ZC4H2: variants seen among roughly 807,000 people sequenced by gnomAD.
The protein encoded by ZC4H2 is zinc finger C4H2-type containing.
For synonymous variants in ZC4H2, 84 were observed against 66.3 expected (o/e 1.27, Z -1.30); for missense variants, 137 against 173.9 (o/e 0.79, Z 1.19).
At chrX:64,975,386 G>A (rs1490306618) in intron 1 of ZC4H2, among the ~76,000 whole-genome samples, 1 of 111,490 alleles carries the variant, frequency 9.0e-6, no homozygotes, top group Non-Finnish European at 1.9e-5. Context: ...TAAATCTCAT[G>A]ATCAAAGTCT....
Position 64,924,752 on chromosome X carries a change from A to C in ZC4H2, c.54-2764T>G, listed in dbSNP as rs755758067. Among the ~76,000 whole-genome samples the C allele has an allele frequency of 4.1e-4, 46 of 111,077 alleles. 1 individual carries two copies. In the Middle Eastern group the frequency reaches 0.019, roughly 45 times the overall value. On this transcript the variant is annotated intron_variant, in intron 1 of 4. Transcript: ENST00000374839. ...TGAGTAATGGCCCCACAGAAGAAGAATATGGCACATTAAAGGAACTGAGTG... is the reference window on the plus strand; with the variant it reads ...TGAGTAATGGCCCCACAGAAGAAGACTATGGCACATTAAAGGAACTGAGTG...
In ZC4H2 at chrX:64,988,026, T is replaced by C. The variant is rs891871877; in HGVS notation, c.-272+46603A>G. Among the ~76,000 whole-genome samples, 30 of 108,005 alleles carry C rather than the reference T, an allele frequency of 2.8e-4. 1 individual carries two copies. The highest frequency in any genetic ancestry group is 9.5e-4 in the African/African-American group (28 of 29,528). 93.8% of individuals were successfully genotyped at this position (108,005 alleles called of 115,157 possible). Reference sequence around the variant, plus strand: ...TGCGGTAGTTTGCTCAGAATGATGGTCTCCAGCTTCATCCATGTCCCTACA... The same window carrying C: ...TGCGGTAGTTTGCTCAGAATGATGGCCTCCAGCTTCATCCATGTCCCTACA... On this transcript the variant is annotated intron_variant, in intron 1 of 4. Transcript: ENST00000337990.
intron 1 of ZC4H2, among the ~76,000 whole-genome samples, chrX:64,955,086 C>T (rs1247452589): frequency 9.0e-6 from 1 of 111,330 alleles, no homozygotes; most frequent in Non-Finnish European, 1.9e-5. Context: ...ATGGAAAAGA[C>T]AAAATGATCC....
intron 1 of ZC4H2, among the ~76,000 whole-genome samples, chrX:64,922,642 C>T (rs1929255050): frequency 8.9e-6 from 1 of 112,161 alleles, no homozygotes; most frequent in African/African-American, 3.2e-5. Context: ...GTCCTGAACA[C>T]AAAGAACTCC....
intron 1 of ZC4H2, among the ~76,000 whole-genome samples, chrX:64,943,339 A>G (rs1376768241): frequency 2.7e-5 from 3 of 112,013 alleles, no homozygotes; most frequent in Non-Finnish European, 5.6e-5. Context: ...GTAGATGTCT[A>G]TTAGGTCCGC....
At chrX:64,934,947 T>C (rs1445796949) in intron 1 of ZC4H2, among the ~76,000 whole-genome samples, 9 of 108,620 alleles carry the variant, frequency 8.3e-5, no homozygotes, top group East Asian at 2.9e-4. Context: ...TTTTTTTTTT[T>C]CCCCCATACC....
rs1928986792 is a variant in ZC4H2, at chrX:64,917,504, C to G, written c.*279G>C. 3 of 279,535 alleles carry G rather than the reference C, an allele frequency of 1.1e-5. No individual in the cohort carries two copies. Among genetic ancestry groups the G allele is most frequent in the Non-Finnish European group, 1.9e-5 (3 of 159,204 alleles). The allele number at this position is 279,535 out of a possible 1,213,427, so 23.0% of individuals were successfully genotyped here. A position where few individuals can be genotyped will look rare whatever the true frequency, so the allele number is the denominator to read the frequency against. On this transcript the variant is annotated 3_prime_UTR_variant, in exon 5 of 5. Transcript: ENST00000374839. ...TAGAGAATCATATCTGAGCCTTTTG[C>G]CCTTCCCTTAGCTCCAAACAAGGGC...
upstream of ZC4H2, among the ~76,000 whole-genome samples, chrX:64,977,704 T>G (rs1381148361): frequency 9.0e-6 from 1 of 110,729 alleles, no homozygotes; most frequent in African/African-American, 3.3e-5. Context: ...TTTCATCATG[T>G]TGGCCAGACT....
Position 64,988,215 on chromosome X carries a change from A to G in ZC4H2, c.-272+46414T>C, listed in dbSNP as rs757517623. 1.2e-4 allele frequency among the ~76,000 whole-genome samples: 13 copies of G among 110,961 alleles called. No homozygotes were observed. The South Asian group carries it at 5.1e-3, about 43-fold the overall frequency. The stretch of plus-strand genomic sequence containing the variant: ...AACATACGTGTGCATGTGTCTTTAT[A>G]GCAGCATGATTTATAATCCTTTGGG... On this transcript the variant is annotated intron_variant, in intron 1 of 4. Coordinates refer to the ZC4H2 transcript ENST00000337990.
At chrX:64,980,484 C>T (rs745306037), upstream of ZC4H2, among the ~76,000 whole-genome samples, 12 of 111,745 alleles carry the variant, frequency 1.1e-4, no homozygotes, top group Non-Finnish European at 9.4e-5. Context: ...GGGAGGGAAA[C>T]AGCAGGAGGT....
chrX:65,030,465 A>T (rs1467517643), intron 1 of ZC4H2, among the ~76,000 whole-genome samples: 1 of 111,786 alleles, frequency 8.9e-6, no homozygotes, highest in African/African-American at 3.3e-5. Context: ...TTTCTCAGAA[A>T]CTTTACTCAA....
rs1356845911 is a variant in ZC4H2, at chrX:64,988,928, G to GTTTT, written c.-272+45700_-272+45701insAAAA. Among the ~76,000 whole-genome samples, 7 of 88,618 alleles carry GTTTT rather than the reference G, an allele frequency of 7.9e-5. No homozygotes were observed. The African/African-American group carries it at 8.4e-4, about 11-fold the overall frequency. The allele number at this position is 88,618 out of a possible 115,157, so 77.0% of individuals were successfully genotyped here. A position where few individuals can be genotyped will look rare whatever the true frequency, so the allele number is the denominator to read the frequency against. ...GGTGTAAGGAAGGGATCCAGTTTCAGCTTTATATGGCTAGCCAGTTTTCCC... is the reference window on the plus strand; with the variant it reads ...GGTGTAAGGAAGGGATCCAGTTTCAGTTTTCTTTATATGGCTAGCCAGTTTTCCC... On this transcript the variant is annotated intron_variant, in intron 1 of 4. Transcript: ENST00000337990.
chrX:64,980,265 T>C (rs2147425410), upstream of ZC4H2, among the ~76,000 whole-genome samples: 1 of 112,091 alleles, frequency 8.9e-6, no homozygotes, highest in South Asian at 3.7e-4. Flanking sequence ...GCCCTGCCCT[T>C]ACCAAGCTTA....
chrX:64,985,186 T>C (rs941862761), intron 1 of ZC4H2, among the ~76,000 whole-genome samples: 1 of 112,135 alleles, frequency 8.9e-6, no homozygotes, highest in East Asian at 2.8e-4. Context: ...TTTGTTATAA[T>C]GACTTCTTTT....
chrX:65,017,465 T>C (rs766759660), intron 1 of ZC4H2, among the ~76,000 whole-genome samples: 1 of 112,552 alleles, frequency 8.9e-6, no homozygotes, highest in South Asian at 3.7e-4. Flanking sequence ...ATGAAACCAC[T>C]CTAAGTATTA....
intron 1 of ZC4H2, among the ~76,000 whole-genome samples, chrX:64,987,740 T>A (rs1932218968): frequency 9.1e-6 from 1 of 109,758 alleles, no homozygotes; most frequent in Non-Finnish European, 1.9e-5. Context: ...TTCTTTTTTT[T>A]ATTATTATTA....
chrX:65,008,668 T>G (rs1249206334), intron 1 of ZC4H2, among the ~76,000 whole-genome samples: 1 of 112,275 alleles, frequency 8.9e-6, no homozygotes, highest in Non-Finnish European at 1.9e-5. Context: ...TGCAACAACC[T>G]GGATGGAACT....
intron 1 of ZC4H2, among the ~76,000 whole-genome samples, chrX:64,928,336 C>T (rs1490988859): frequency 1.8e-5 from 2 of 111,927 alleles, no homozygotes; most frequent in African/African-American, 3.2e-5. Context: ...AATTTTTCTG[C>T]TTATGGCTAG....
rs1026419978 is a variant in ZC4H2 at position 65,003,794 on chromosome X, G to A, written c.-272+30835C>T. Among the ~76,000 whole-genome samples, 13 of 108,776 alleles carry A rather than the reference G, an allele frequency of 1.2e-4. No individual in the cohort carries two copies. The South Asian group carries it at 1.2e-3, about 10-fold the overall frequency. The allele number at this position is 108,776 out of a possible 115,157, so 94.5% of individuals were successfully genotyped here. On this transcript the variant is annotated intron_variant, in intron 1 of 4. Transcript: ENST00000337990. ...TGGGAGGCTGAGGCAGGAGAATGGCGTGAACCCCGGAGGCAGAGCTTGCAG... is the reference window on the plus strand; with the variant it reads ...TGGGAGGCTGAGGCAGGAGAATGGCATGAACCCCGGAGGCAGAGCTTGCAG...
Sources: gnomAD v4.1 joint callset for allele counts (sites outside exome capture counted in the v4.1 genomes callset) on GRCh38, gnomAD v4.1.1 for gene constraint, MANE v1.5 for transcripts, NCBI Gene and HGNC (gene_info 2026-07-23, HGNC 2026-07-21) for gene names.